The following PIEZO2 variants were observed in gnomAD, a reference collection of about 807,000 sequenced individuals.
PIEZO2 encodes the protein piezo type mechanosensitive ion channel component 2, also known as piezo-type mechanosensitive ion channel component 2.
Under a neutral mutation model 337.3 loss-of-function variants are expected in PIEZO2, and 172 were observed. That is an observed-to-expected ratio of 0.51 (90% CI 0.45 to 0.58). The LOEUF (loss-of-function observed/expected upper bound fraction) is 0.58, where lower values mean the gene tolerates loss of function less well. Ranked by LOEUF, PIEZO2 falls within the 20% of genes least tolerant of loss-of-function variation. The pLI, the probability that PIEZO2 is intolerant of heterozygous loss-of-function variation, is 0.00. For synonymous variants in PIEZO2, 1,251 were observed against 1,228.5 expected (o/e 1.02, Z -0.38); for missense variants, 3,028 against 3,391.3 (o/e 0.89, Z 2.66).
chr18:11,110,947 T>A lies in PIEZO2; in HGVS notation c.64+37578A>T, dbSNP rs1245027782. ...GCTGTGCCCCGCAAGCTCCCCTCCA[T>A]GTGGTCTGCGTCAGAGTCCACCATG... On this transcript the variant is annotated intron_variant, in intron 1 of 55. Coordinates refer to ENST00000674853, the MANE Select transcript of PIEZO2 (RefSeq NM_001378183.1). This position sits in a 1 kb window ranked among gnomAD's most constrained non-coding sequence, Gnocchi z 4.2. Among the ~76,000 whole-genome samples, 1 of 152,138 alleles carries A rather than the reference T, an allele frequency of 6.6e-6. No homozygotes were observed. The highest frequency in any genetic ancestry group is 2.4e-5 in the African/African-American group (1 of 41,438).
At chr18:10,911,986 G>A (rs2030523787) in intron 3 of PIEZO2, among the ~76,000 whole-genome samples, 1 of 152,038 alleles carries the variant, frequency 6.6e-6, no homozygotes, top group Non-Finnish European at 1.5e-5. Flanking sequence ...AAAGCCAGGT[G>A]ACACTGAAGT....
In PIEZO2 at chr18:10,707,981, C is replaced by T. The variant is rs1297866884; in HGVS notation, c.5588+294G>A. 1.3e-5 allele frequency among the ~76,000 whole-genome samples: 2 copies of T among 152,214 alleles called. No homozygotes were observed. Among genetic ancestry groups the T allele is most frequent in the East Asian group, 3.9e-4 (2 of 5,180 alleles). On this transcript the variant is annotated intron_variant, in intron 40 of 55. Coordinates refer to ENST00000674853, the MANE Select transcript of PIEZO2 (RefSeq NM_001378183.1). The surrounding 1 kb of genome is among the most constrained non-coding windows in gnomAD (Gnocchi z 4.2). ...TTATGGAGGAAACATGCTTATGTCT[C>T]TGAAAATGGAAAGTTTGAAATACTG... is the stretch of plus-strand genomic sequence containing the variant.
intron 47 of PIEZO2, among the ~76,000 whole-genome samples, chr18:10,694,104 A>G (rs1418033772): frequency 3.3e-5 from 5 of 152,154 alleles, no homozygotes; most frequent in Non-Finnish European, 7.4e-5. Flanking sequence ...CTCAGGAAAA[A>G]GTATCCCAAT....
intron 2 of PIEZO2, among the ~76,000 whole-genome samples, chr18:11,049,027 G>A (rs969417283): frequency 6.6e-6 from 1 of 152,120 alleles, no homozygotes; most frequent in Non-Finnish European, 1.5e-5. Context: ...AGGCTTTGAA[G>A]CAAGTCAGCT....
In PIEZO2 at chr18:10,949,598, A is replaced by G. The variant is rs147037926; in HGVS notation, c.286+29937T>C. On this transcript the variant is annotated intron_variant, in intron 3 of 55. Coordinates refer to ENST00000674853, the MANE Select transcript of PIEZO2 (RefSeq NM_001378183.1). ...CACCACATTTTTCTATTCCATCTGGATAAACAATCTCAGAAGTGCATTGAA... is the reference window on the plus strand; with the variant it reads ...CACCACATTTTTCTATTCCATCTGGGTAAACAATCTCAGAAGTGCATTGAA... Among the ~76,000 whole-genome samples the G allele has an allele frequency of 2.0e-3, 298 of 152,356 alleles. 1 individual carries two copies. Among genetic ancestry groups the G allele is most frequent in the African/African-American group, 7.0e-3 (291 of 41,580 alleles).
At chr18:10,966,083 A>G (rs1468217508) in intron 3 of PIEZO2, among the ~76,000 whole-genome samples, 1 of 152,210 alleles carries the variant, frequency 6.6e-6, no homozygotes, top group Non-Finnish European at 1.5e-5. Flanking sequence ...CAAAAATGAA[A>G]GTGTCCAACC....
intron 2 of PIEZO2, among the ~76,000 whole-genome samples, chr18:11,011,239 A>T (rs2035889328): frequency 6.6e-6 from 1 of 152,258 alleles, no homozygotes; most frequent in African/African-American, 2.4e-5. Context: ...GAACTTATTT[A>T]CATTTAATCT....
At chr18:10,694,746 G>A (rs2035008636) in intron 47 of PIEZO2, among the ~76,000 whole-genome samples, 1 of 152,190 alleles carries the variant, frequency 6.6e-6, no homozygotes, top group Non-Finnish European at 1.5e-5. Flanking sequence ...GAGGCGGGAG[G>A]ATTGTTTGAG....
In PIEZO2 at chr18:10,741,117, G is replaced by A. The variant is rs368465146; in HGVS notation, c.4637-15C>T. The A allele has an allele frequency of 4.9e-4, 754 of 1,530,118 alleles. No homozygotes were observed. The highest frequency in any genetic ancestry group is 6.2e-4 in the Non-Finnish European group (704 of 1,143,832). The allele number at this position is 1,530,118 out of a possible 1,614,324, so 94.8% of individuals were successfully genotyped here. On this transcript the variant is annotated splice_polypyrimidine_tract_variant and intron_variant, in intron 32 of 55. Transcript: ENST00000674853. The stretch of plus-strand genomic sequence containing the variant: ...GTCTGCTTCTCCTAAAATAAAATAC[G>A]TCCACATATTAATTCGTATAAAGTG...
At chr18:10,975,834 T>C (rs1402486713) in intron 3 of PIEZO2, among the ~76,000 whole-genome samples, 2 of 152,224 alleles carry the variant, frequency 1.3e-5, no homozygotes, top group East Asian at 1.9e-4. Flanking sequence ...TACTTGAATA[T>C]GATCGACTTG....
chr18:10,777,180 T>C (rs2038820895), intron 18 of PIEZO2, among the ~76,000 whole-genome samples: 1 of 152,248 alleles, frequency 6.6e-6, no homozygotes, highest in Admixed American at 6.5e-5. Flanking sequence ...ACATTACTGA[T>C]AACTTTGTTT....
rs190053343 is a variant in PIEZO2, at chr18:10,814,191, G to A, written c.918-6917C>T. On this transcript the variant is annotated intron_variant, in intron 7 of 55. Coordinates refer to ENST00000674853, the MANE Select transcript of PIEZO2 (RefSeq NM_001378183.1). The stretch of plus-strand genomic sequence containing the variant: ...TCACTGTGTTAGCCAGGATGGTCTT[G>A]ATCTCCTGACCTCATGATCTGCCCG... Among the ~76,000 whole-genome samples, 364 of 151,908 alleles carry A rather than the reference G, an allele frequency of 2.4e-3. 1 individual carries two copies. Among genetic ancestry groups the A allele is most frequent in the Middle Eastern group, 3.4e-3 (1 of 294 alleles).
intron 3 of PIEZO2, among the ~76,000 whole-genome samples, chr18:10,963,581 T>C (rs1031922904): frequency 6.6e-6 from 1 of 152,222 alleles, no homozygotes; most frequent in Non-Finnish European, 1.5e-5. Flanking sequence ...TTCTCCCAAA[T>C]AGATGGCAGT....
chr18:10,703,711 G>C (rs2035438529), intron 42 of PIEZO2, among the ~76,000 whole-genome samples: 1 of 151,688 alleles, frequency 6.6e-6, no homozygotes, highest in Non-Finnish European at 1.5e-5. Context: ...TGGTTTTCAT[G>C]GGCATTCGTG....
chr18:10,752,742 A>G lies in PIEZO2; in HGVS notation c.4061T>C (p.Leu1354Pro). ...TTTCAACAGCAAATCGCCCCCAAAG[A>G]GCAGGAAGTAGAAACAGGCCACCAG... ...GYLVACFYFLLFGGDLLLKPI... is the reference protein window; with the variant it reads ...GYLVACFYFLPFGGDLLLKPI... The change falls in exon 28 of 56, where the codon CTC (leucine) becomes CCC (proline). Residue 1354 changes from leucine to proline, a missense_variant. Leu to Pro is a moderately conservative substitution (Grantham distance 98, BLOSUM62 -3). This residue lies in a region of PIEZO2 where 1,925 missense variants were observed against 2,051.9 expected (regional missense o/e 0.94). Transcript: ENST00000674853. 1 of 1,537,252 alleles carries G rather than the reference A, an allele frequency of 6.5e-7. No individual in the cohort carries two copies. The highest frequency in any genetic ancestry group is 8.7e-7 in the Non-Finnish European group (1 of 1,146,918).
rs1294129338 is a variant in PIEZO2 at position 10,705,650 on chromosome 18, C to T, written c.5685G>A (p.Thr1895=). 8 of 1,537,108 alleles carry T rather than the reference C, an allele frequency of 5.2e-6. No individual in the cohort carries two copies. Among genetic ancestry groups the T allele is most frequent in the South Asian group, 2.4e-5 (2 of 84,044 alleles). The part of the protein sequence containing the change: ...EAEQEEEAGS[T]APEPREAKEY... ...CCTTGGCCTCCCTGGGCTCAGGCGC[C>T]GTGCTCCCTGCCTCCTCCTCCTGCT... Residue 1895 remains threonine, a synonymous_variant, in exon 41 of 56, where the codon ACG becomes ACA. Coordinates refer to ENST00000674853, the MANE Select transcript of PIEZO2 (RefSeq NM_001378183.1).
At chr18:10,892,200 T>A (rs538320050) in intron 4 of PIEZO2, among the ~76,000 whole-genome samples, 3 of 152,198 alleles carry the variant, frequency 2.0e-5, no homozygotes, top group Non-Finnish European at 4.4e-5. Context: ...AATGTCTATA[T>A]AATGGAATAC....
chr18:10,965,497 ATAT>A (rs2033961771), intron 3 of PIEZO2, among the ~76,000 whole-genome samples: 1 of 152,164 alleles, frequency 6.6e-6, no homozygotes, highest in Non-Finnish European at 1.5e-5. Context: ...GAGGCTTGAA[ATAT>A]TATGGTGCTC....
At chr18:11,095,449 G>A (rs1343107585) in intron 1 of PIEZO2, among the ~76,000 whole-genome samples, 1 of 152,174 alleles carries the variant, frequency 6.6e-6, no homozygotes, top group Non-Finnish European at 1.5e-5. Context: ...CGTGAAGCGA[G>A]TTGCCCCAAG....
Sources: allele counts gnomAD v4.1 joint callset (sites outside exome capture counted in the v4.1 genomes callset), GRCh38; gene constraint gnomAD v4.1.1; regional missense constraint gnomAD v4.1.1; non-coding constraint Gnocchi (gnomAD v3.1); transcripts MANE v1.5; gene names NCBI Gene and HGNC (gene_info 2026-07-23, HGNC 2026-07-21).